NFASC: variants seen among roughly 807,000 people sequenced by gnomAD.
NFASC encodes the protein neurofascin.
NFASC carries 43 observed loss-of-function variants against 147.5 expected under a neutral mutation model. The observed-to-expected ratio is 0.29, with a 90% confidence interval of 0.23 to 0.38. NFASC has a LOEUF of 0.38. Among genes scored for constraint, NFASC ranks in the 10% least tolerant of loss-of-function variants. The pLI is 1.00. For synonymous variants in NFASC, 622 were observed against 665.5 expected, an observed-to-expected ratio of 0.93 and a Z score of 1.01; for missense variants, 1,320 against 1,689.0, an observed-to-expected ratio of 0.78 and a Z score of 3.83.
chr1:205,009,133 A>G (rs114734593), intron 27 of NFASC: 1 of 289,026 alleles, frequency 3.5e-6, no homozygotes, highest in African/African-American at 2.2e-5. Flanking sequence ...GCACTCCCTG[A>G]TGGGTAGCTT....
In NFASC at chr1:204,922,030, G is replaced by A. The variant is rs373116642; in HGVS notation, c.-91+1290G>A. Among the ~76,000 whole-genome samples, 38 of 152,202 alleles carry A rather than the reference G, an allele frequency of 2.5e-4. No individual in the cohort carries two copies. In the East Asian group the frequency reaches 6.6e-3, roughly 26 times the overall value. ...GTGTGTGTTTTGGCAGGGGTGGCGC[G>A]GGCAGGGGGTGCATGCCATTCTTTT... On this transcript the variant is annotated intron_variant, in intron 2 of 29. Coordinates refer to ENST00000339876, the MANE Select transcript of NFASC (RefSeq NM_001005388.3).
At chr1:205,002,941 A>G (rs893186009) in intron 27 of NFASC, among the ~76,000 whole-genome samples, 193 bp downstream of exon 27, 1 of 152,318 alleles carries the variant, frequency 6.6e-6, no homozygotes, top group African/African-American at 2.4e-5. Context: ...CCCAGTGTGC[A>G]TGCGTAGTGG....
At chr1:204,983,053 G>A (rs2095539486) in intron 21 of NFASC, among the ~76,000 whole-genome samples, 1 of 152,242 alleles carries the variant, frequency 6.6e-6, no homozygotes, top group Admixed American at 6.5e-5. Flanking sequence ...GGGCACTTCA[G>A]ACAGGAGCCC....
At chr1:204,946,799 C>A in intron 3 of NFASC, 1 of 510,420 alleles carries the variant, frequency 2.0e-6, no homozygotes, top group Admixed American at 2.0e-5. Flanking sequence ...CCCTGGGCTG[C>A]CAGCCTTCTT....
At chr1:204,895,787 C>T (rs1340488186) in intron 1 of NFASC, among the ~76,000 whole-genome samples, 1 of 152,104 alleles carries the variant, frequency 6.6e-6, no homozygotes, top group Admixed American at 6.6e-5. Flanking sequence ...CACAAATATC[C>T]TCATTTTTTA....
intron 8 of NFASC, chr1:204,962,046 GT>G: frequency 1.5e-6 from 2 of 1,322,938 alleles, no homozygotes; most frequent in Non-Finnish European, 2.2e-6. Context: ...TTCTCTCCCC[GT>G]TTATGCCTCT....
Position 204,968,304 on chromosome 1 carries a change from C to A in NFASC, c.762C>A (p.Ser254Arg). Residue 254 changes from serine to arginine, a missense_variant, in exon 9 of 30, where the codon AGC becomes AGA. Around this residue, in one of 3 missense-constraint regions of NFASC, gnomAD observed 981 missense variants for 1,289.5 expected, o/e 0.76. Coordinates refer to ENST00000339876, the MANE Select transcript of NFASC (RefSeq NM_001005388.3). The surrounding 1 kb of genome is among the most constrained non-coding windows in gnomAD (Gnocchi z 5.4). ...PSFMYPQGTA[S>R]SQMVLRGMDL... ...TCATGTATCCCCAGGGCACCGCGAG[C>A]AGCCAGATGGTGCTTCGTGGCATGG... 1 of 1,614,192 alleles carries A rather than the reference C, an allele frequency of 6.2e-7. No homozygotes were observed. Among genetic ancestry groups the A allele is most frequent in the Non-Finnish European group, 8.5e-7 (1 of 1,180,010 alleles).
rs2095080621 is a variant in NFASC, at chr1:204,968,571, G to A, written c.818+211G>A. 1.6e-6 allele frequency: 1 copy of A among 615,384 alleles called. No homozygotes were observed. Among genetic ancestry groups the A allele is most frequent in the South Asian group, 2.0e-5 (1 of 49,954 alleles). The allele number at this position is 615,384 out of a possible 1,614,324, so 38.1% of individuals were successfully genotyped here. ...GTTTTGGATAATGAGGAAAGAAGGT[G>A]ATTAGGCATCCCGTAGATGCGTTAG... On this transcript the variant is annotated intron_variant, in intron 9 of 29. Transcript: ENST00000339876. The surrounding 1 kb of genome is among the most constrained non-coding windows in gnomAD (Gnocchi z 5.4).
At position 204,979,975 on chromosome 1, in the gene NFASC, C is replaced by T. The variant is rs1258533810; in HGVS notation, c.2177-395C>T. 2.0e-5 allele frequency among the ~76,000 whole-genome samples: 3 copies of T among 152,136 alleles called. No individual in the cohort carries two copies. The highest frequency in any genetic ancestry group is 4.4e-5 in the Non-Finnish European group (3 of 68,020). On this transcript the variant is annotated intron_variant, in intron 19 of 29. Coordinates refer to ENST00000339876, the MANE Select transcript of NFASC (RefSeq NM_001005388.3). This position sits in a 1 kb window ranked among gnomAD's most constrained non-coding sequence, Gnocchi z 6.0. ...TTGGATTTCTGAAATCACACCAGCT[C>T]ATAGAGGGTAGAGATGCTGCCCAAA...
At chr1:204,895,558 T>C (rs1294068653) in intron 1 of NFASC, among the ~76,000 whole-genome samples, 1 of 152,246 alleles carries the variant, frequency 6.6e-6, no homozygotes. Context: ...TGTATGTGGC[T>C]GGATTGACCA....
intron 1 of NFASC, among the ~76,000 whole-genome samples, chr1:204,838,746 T>C (rs1160095220): frequency 6.6e-6 from 1 of 152,216 alleles, no homozygotes; most frequent in African/African-American, 2.4e-5. Flanking sequence ...CCACTGCAAC[T>C]CTATGTATCT....
chr1:204,854,327 G>T (rs1046644083), intron 1 of NFASC, among the ~76,000 whole-genome samples: 7 of 152,120 alleles, frequency 4.6e-5, no homozygotes, highest in Non-Finnish European at 7.4e-5. Context: ...TGCCAGTAAG[G>T]GAGCTGGCAC....
At chr1:204,849,067 G>T (rs2075429595) in intron 1 of NFASC, among the ~76,000 whole-genome samples, 1 of 152,336 alleles carries the variant, frequency 6.6e-6, no homozygotes, top group Admixed American at 6.5e-5. Flanking sequence ...TCTGTTAATA[G>T]ATTGGTGTCT....
intron 3 of NFASC, among the ~76,000 whole-genome samples, chr1:204,949,565 C>T (rs540111828): frequency 1.3e-5 from 2 of 152,330 alleles, no homozygotes; most frequent in Admixed American, 6.5e-5. Context: ...ACACATGTTC[C>T]CTTTTCTGCA....
At chr1:204,980,463 G>C in intron 20 of NFASC, 23 bp downstream of exon 20, 1 of 1,587,090 alleles carries the variant, frequency 6.3e-7, no homozygotes, top group Non-Finnish European at 8.6e-7. Context: ...CCCAGCCCCA[G>C]TGGAGCAGCT....
intron 28 of NFASC, 103 bp from the exon 29 acceptor site, chr1:205,012,694 G>A: frequency 1.2e-6 from 1 of 861,702 alleles, no homozygotes; most frequent in South Asian, 1.3e-5. Context: ...GTGTCAGTGA[G>A]CCCAGGGCGG....
At chr1:204,926,801 CAG>C (rs745636841) in intron 2 of NFASC, among the ~76,000 whole-genome samples, 1 of 151,950 alleles carries the variant, frequency 6.6e-6, no homozygotes, top group Non-Finnish European at 1.5e-5. Context: ...AGGCTGGGCA[CAG>C]TGGCTCACAC....
chr1:204,993,226 TC>T (rs1157478240), intron 24 of NFASC, among the ~76,000 whole-genome samples: 1 of 152,198 alleles, frequency 6.6e-6, no homozygotes, highest in East Asian at 1.9e-4. Context: ...ATAATCCCTC[TC>T]ATCCACCTGT....
At chr1:204,970,776 C>T (rs2095215593) in intron 11 of NFASC, 29 bp downstream of exon 11, 1 of 1,613,846 alleles carries the variant, frequency 6.2e-7, no homozygotes, top group Non-Finnish European at 8.5e-7. Flanking sequence ...TCCCATCTGA[C>T]TCTCATCTCT....
Sources: allele counts gnomAD v4.1 joint callset (sites outside exome capture counted in the v4.1 genomes callset), GRCh38; gene constraint gnomAD v4.1.1; regional missense constraint gnomAD v4.1.1; non-coding constraint Gnocchi (gnomAD v3.1); transcripts MANE v1.5; gene names NCBI Gene and HGNC (gene_info 2026-07-23, HGNC 2026-07-21).